The following ZNF804B variants were observed in gnomAD, a reference collection of about 807,000 sequenced individuals.
ZNF804B encodes the protein zinc finger protein 804B, also known as zinc finger 804B.
Under a neutral mutation model 101.4 loss-of-function variants are expected in ZNF804B, and 80 were observed. The ratio of observed to expected loss-of-function variants is 0.79; its 90% confidence interval spans 0.66 to 0.95. The LOEUF (loss-of-function observed/expected upper bound fraction) is 0.95, where lower values mean the gene tolerates loss of function less well. ZNF804B is among the 40% of genes least tolerant of loss of function. The pLI, the probability that ZNF804B is intolerant of heterozygous loss-of-function variation, is 0.00. For synonymous variants in ZNF804B, 622 were observed against 558.8 expected, an observed-to-expected ratio of 1.11 and a Z score of -1.59; for missense variants, 1,673 against 1,561.9, an observed-to-expected ratio of 1.07 and a Z score of -1.20.
chr7:88,989,322 T>C (rs1448398799), intron 1 of ZNF804B, among the ~76,000 whole-genome samples: 1 of 152,080 alleles, frequency 6.6e-6, no homozygotes, highest in Non-Finnish European at 1.5e-5. Flanking sequence ...CAATATGTAA[T>C]TTCAAAGGAG....
At chr7:88,872,225 A>T (rs1791837914) in intron 1 of ZNF804B, among the ~76,000 whole-genome samples, 1 of 152,184 alleles carries the variant, frequency 6.6e-6, no homozygotes, top group African/African-American at 2.4e-5. Context: ...AGCACAGTTC[A>T]GTATTACACA....
At chr7:89,057,632 C>T (rs1470533113) in intron 1 of ZNF804B, among the ~76,000 whole-genome samples, 3 of 151,980 alleles carry the variant, frequency 2.0e-5, no homozygotes, top group East Asian at 3.9e-4. Flanking sequence ...TAAAGGCATT[C>T]AGTGGGGGTG....
At chr7:89,128,189 T>A (rs915579358) in intron 1 of ZNF804B, among the ~76,000 whole-genome samples, 12 of 151,932 alleles carry the variant, frequency 7.9e-5, no homozygotes, top group African/African-American at 2.9e-4. Flanking sequence ...TAAACTAACA[T>A]CTTTGTACTT....
chr7:88,794,626 G>C (rs201260308), intron 1 of ZNF804B: 1 of 1,613,604 alleles, frequency 6.2e-7, no homozygotes. Context: ...TTTGTAGAGA[G>C]TGTCGCTGGA....
intron 2 of ZNF804B, among the ~76,000 whole-genome samples, chr7:89,257,707 A>G (rs1789655574): frequency 6.6e-6 from 1 of 152,162 alleles, no homozygotes; most frequent in Non-Finnish European, 1.5e-5. Flanking sequence ...AGATTATTTC[A>G]CTACTCAGGT....
intron 1 of ZNF804B, among the ~76,000 whole-genome samples, chr7:89,158,087 CTAACCTTAAATTGGGGCT>C (rs1264683498): frequency 6.6e-6 from 1 of 152,060 alleles, no homozygotes; most frequent in Non-Finnish European, 1.5e-5. Context: ...CAACTTAACC[CTAACCTTAAATTGGGGCT>C]TAACAAAAGG....
chr7:89,145,380 C>T (rs1405902105), intron 1 of ZNF804B, among the ~76,000 whole-genome samples: 3 of 151,830 alleles, frequency 2.0e-5, no homozygotes, highest in African/African-American at 7.3e-5. Flanking sequence ...GGGGCTTTTC[C>T]ACAAATGAAG....
chr7:89,132,162 GCACACATACACACA>G (rs1335142290), intron 1 of ZNF804B, among the ~76,000 whole-genome samples: 15 of 87,710 alleles, frequency 1.7e-4, no homozygotes, highest in African/African-American at 5.0e-4. Context: ...GAGAACACAC[GCACACATACACACA>G]CACACACACA....
intron 1 of ZNF804B, among the ~76,000 whole-genome samples, chr7:88,833,220 A>T (rs1416319477): frequency 6.6e-6 from 1 of 151,498 alleles, no homozygotes; most frequent in Non-Finnish European, 1.5e-5. Flanking sequence ...TTCAAGGATG[A>T]TAGGAAAAAG....
chr7:88,828,910 T>C (rs2115777472), intron 1 of ZNF804B, among the ~76,000 whole-genome samples: 1 of 152,190 alleles, frequency 6.6e-6, no homozygotes, highest in Non-Finnish European at 1.5e-5. Flanking sequence ...GATAATATCT[T>C]CTGTAGTTGT....
At chr7:88,773,196 G>T (rs3847034) in intron 1 of ZNF804B, among the ~76,000 whole-genome samples, 7,909 of 152,220 alleles carry the variant, frequency 0.052, 399 homozygotes, top group East Asian at 0.28. Context: ...TCAGCCCTCA[G>T]GAACTACTGA....
intron 1 of ZNF804B, among the ~76,000 whole-genome samples, chr7:89,034,336 C>T (rs1788887693): frequency 6.6e-6 from 1 of 151,956 alleles, no homozygotes; most frequent in South Asian, 2.1e-4. Flanking sequence ...CATAGGTATA[C>T]ATGTGCCGTG....
At chr7:88,865,697 AGGGCC>A (rs1791716596) in intron 1 of ZNF804B, among the ~76,000 whole-genome samples, 7 of 152,154 alleles carry the variant, frequency 4.6e-5, no homozygotes, top group African/African-American at 1.7e-4. Context: ...CACACCATGG[AGGGCC>A]AGCCCCCTTT....
chr7:88,762,978 G>A (rs1255586059), intron 1 of ZNF804B, among the ~76,000 whole-genome samples: 1 of 151,984 alleles, frequency 6.6e-6, no homozygotes, highest in South Asian at 2.1e-4. Flanking sequence ...ACAATTATTG[G>A]TTAAGACTAC....
chr7:89,254,919 T>C (rs1789602766), intron 2 of ZNF804B, among the ~76,000 whole-genome samples: 1 of 152,146 alleles, frequency 6.6e-6, no homozygotes, highest in Non-Finnish European at 1.5e-5. Flanking sequence ...GTGCTGGGAT[T>C]ACAGGCATGA....
chr7:89,124,634 A>G (rs935250688), intron 1 of ZNF804B, among the ~76,000 whole-genome samples: 5 of 152,296 alleles, frequency 3.3e-5, no homozygotes, highest in African/African-American at 1.2e-4. Context: ...AGATGAAGAG[A>G]AAATAGAGAA....
intron 1 of ZNF804B, among the ~76,000 whole-genome samples, chr7:89,011,839 A>G (rs545233085): frequency 5.3e-5 from 8 of 152,004 alleles, no homozygotes; most frequent in African/African-American, 1.9e-4. Flanking sequence ...CTGTTGGTGG[A>G]TCTATTGTTT....
In ZNF804B at chr7:88,917,684, A is replaced by G. The variant is rs117400860; in HGVS notation, c.108+157600A>G. ...TGGGAATTTTGCAAATTACATCAAGATTGCCAGGTTAAATGTAAGAGCTAG... is the reference window on the plus strand; with the variant it reads ...TGGGAATTTTGCAAATTACATCAAGGTTGCCAGGTTAAATGTAAGAGCTAG... On this transcript the variant is annotated intron_variant, in intron 1 of 3. Transcript: ENST00000333190. 9.7e-4 allele frequency among the ~76,000 whole-genome samples: 148 copies of G among 152,282 alleles called. 2 individuals carry two copies. In the East Asian group the frequency reaches 0.023, roughly 24 times the overall value.
At chr7:89,235,678 G>GT (rs1789268735) in intron 2 of ZNF804B, among the ~76,000 whole-genome samples, 1 of 151,936 alleles carries the variant, frequency 6.6e-6, no homozygotes, top group South Asian at 2.1e-4. Flanking sequence ...CTTTAGGACA[G>GT]TTTTTTAAAA....
Sources: allele counts gnomAD v4.1 joint callset (sites outside exome capture counted in the v4.1 genomes callset), GRCh38; gene constraint gnomAD v4.1.1; transcripts MANE v1.5; gene names NCBI Gene and HGNC (gene_info 2026-07-23, HGNC 2026-07-21).